Variants in ANKS1B observed in about 807,000 individuals in gnomAD.
ANKS1B encodes ankyrin repeat and sterile alpha motif domain containing 1B, also known as ankyrin repeat and sterile alpha motif domain-containing protein 1B.
Under a neutral mutation model 148.3 loss-of-function variants are expected in ANKS1B, and 36 were observed. That is an observed-to-expected ratio of 0.24 (90% CI 0.19 to 0.32). The LOEUF is 0.32. Ranked by LOEUF, ANKS1B falls within the 10% of genes least tolerant of loss-of-function variation. The pLI is 1.00. For missense variants in ANKS1B, 1,157 were observed against 1,542.6 expected (o/e 0.75, Z 4.19); for synonymous variants, 542 against 560.8 (o/e 0.97, Z 0.47).
chr12:99,589,120 C>A (rs913874136), intron 9 of ANKS1B, among the ~76,000 whole-genome samples: 9 of 152,142 alleles, frequency 5.9e-5, no homozygotes, highest in African/African-American at 2.2e-4. Flanking sequence ...TAGAGAAGAC[C>A]TGAAATGGTC....
intron 25 of ANKS1B, among the ~76,000 whole-genome samples, chr12:98,756,853 G>A (rs980953783): frequency 1.2e-4 from 18 of 150,192 alleles, no homozygotes; most frequent in African/African-American, 1.7e-4. Context: ...TCAGCCTCCC[G>A]AGTGGCTGGG....
chr12:99,527,382 C>T (rs2153079113), intron 9 of ANKS1B, among the ~76,000 whole-genome samples: 1 of 152,038 alleles, frequency 6.6e-6, no homozygotes, highest in Middle Eastern at 3.4e-3. Flanking sequence ...AATCACGTAC[C>T]CTTTAATAAA....
chr12:98,952,640 C>T (rs750514715), intron 17 of ANKS1B, among the ~76,000 whole-genome samples: 10 of 152,246 alleles, frequency 6.6e-5, no homozygotes, highest in South Asian at 2.1e-4. Context: ...ACTTACCTAA[C>T]GTCTTTGCCT....
chr12:99,772,829 T>C (rs962240998), intron 8 of ANKS1B, 93 bp downstream of exon 8: 14 of 1,276,106 alleles, frequency 1.1e-5, no homozygotes, highest in Admixed American at 2.7e-5. Context: ...AGTGGCGGAA[T>C]CTGATAATGC....
At chr12:99,779,634 A>T (rs1299224764) in intron 6 of ANKS1B, among the ~76,000 whole-genome samples, 1 of 152,180 alleles carries the variant, frequency 6.6e-6, no homozygotes, top group African/African-American at 2.4e-5. Context: ...AAATATTTCT[A>T]TTATCAAATG....
chr12:99,519,238 T>C (rs1596266209), intron 9 of ANKS1B, among the ~76,000 whole-genome samples: 1 of 152,234 alleles, frequency 6.6e-6, no homozygotes, highest in African/African-American at 2.4e-5. Context: ...TTAAGTGAAT[T>C]TGATGTATAG....
intron 14 of ANKS1B, among the ~76,000 whole-genome samples, chr12:99,185,890 G>A (rs1267623717): frequency 2.0e-5 from 3 of 152,150 alleles, no homozygotes; most frequent in Non-Finnish European, 1.5e-5. Context: ...CAGCGAGACA[G>A]AACTGTTCAC....
chr12:99,546,833 G>A (rs2097176617), intron 9 of ANKS1B, among the ~76,000 whole-genome samples: 1 of 152,182 alleles, frequency 6.6e-6, no homozygotes, highest in African/African-American at 2.4e-5. Flanking sequence ...AGCTCAGTAA[G>A]GTTGGAGAAG....
chr12:98,799,048 A>T, intron 21 of ANKS1B, 43 bp from the exon 22 acceptor site: 1 of 1,371,512 alleles, frequency 7.3e-7, no homozygotes, highest in South Asian at 1.4e-5. Context: ...AATGGAATAT[A>T]CATATGAGTA....
intron 4 of ANKS1B, among the ~76,000 whole-genome samples, chr12:99,784,294 C>T (rs1345935036): frequency 6.6e-6 from 1 of 152,044 alleles, no homozygotes; most frequent in African/African-American, 2.4e-5. Flanking sequence ...GTCTCAGCCT[C>T]CCGAGAAGCT....
chr12:99,059,157 A>T (rs1299451102), intron 16 of ANKS1B, among the ~76,000 whole-genome samples: 3 of 152,118 alleles, frequency 2.0e-5, no homozygotes, highest in Non-Finnish European at 4.4e-5. Context: ...AGTATTTTCC[A>T]TAGAGTTCTA....
At chr12:99,090,458 T>C (rs1282369100) in intron 15 of ANKS1B, among the ~76,000 whole-genome samples, 4 of 152,164 alleles carry the variant, frequency 2.6e-5, no homozygotes, top group Non-Finnish European at 5.9e-5. Flanking sequence ...ATCAAGATGA[T>C]ACTGTTGATT....
At chr12:98,834,774 G>T (rs1002038704) in intron 17 of ANKS1B, among the ~76,000 whole-genome samples, 7 of 152,106 alleles carry the variant, frequency 4.6e-5, no homozygotes, top group Non-Finnish European at 5.9e-5. Flanking sequence ...AGGCAGCATT[G>T]TTTATACGAT....
intron 12 of ANKS1B, among the ~76,000 whole-genome samples, chr12:99,249,805 C>T (rs1343292492): frequency 6.6e-6 from 1 of 152,204 alleles, no homozygotes; most frequent in African/African-American, 2.4e-5. Context: ...AAGCAGAGAC[C>T]TCTGAAAAGC....
At chr12:99,722,782 A>G (rs140785075) in intron 8 of ANKS1B, among the ~76,000 whole-genome samples, 2 of 152,346 alleles carry the variant, frequency 1.3e-5, no homozygotes, top group African/African-American at 4.8e-5. Context: ...TCCCATCAAA[A>G]AGAACCATAA....
intron 17 of ANKS1B, among the ~76,000 whole-genome samples, chr12:98,890,101 A>G (rs545622296): frequency 2.6e-5 from 4 of 152,232 alleles, no homozygotes; most frequent in Non-Finnish European, 4.4e-5. Flanking sequence ...ATCTTCCAAG[A>G]CAGCTTGGTT....
At position 99,682,496 on chromosome 12, in the gene ANKS1B, C is replaced by T. The variant is rs575834276; in HGVS notation, c.1129-27286G>A. On this transcript the variant is annotated intron_variant, in intron 8 of 26. Coordinates refer to ENST00000683438, the MANE Select transcript of ANKS1B (RefSeq NM_001352186.2). ...ATACATGGAAATGAAATAATCTACT[C>T]CTGAATAATCATTGGGTCAACAATG... 1.2e-4 allele frequency among the ~76,000 whole-genome samples: 19 copies of T among 152,258 alleles called. No individual in the cohort carries two copies. In the South Asian group the frequency reaches 3.7e-3, roughly 30 times the overall value.
At chr12:98,821,463 G>T (rs1157085791) in intron 19 of ANKS1B, among the ~76,000 whole-genome samples, 1 of 152,118 alleles carries the variant, frequency 6.6e-6, no homozygotes, top group African/African-American at 2.4e-5. Flanking sequence ...CCTGGTGTGG[G>T]ACCTCTGTCT....
At chr12:99,177,100 C>T (rs1469258025) in intron 14 of ANKS1B, among the ~76,000 whole-genome samples, 2 of 152,144 alleles carry the variant, frequency 1.3e-5, no homozygotes, top group African/African-American at 4.8e-5. Context: ...CAGCCATAGA[C>T]AACAGGTTGT....
Sources: allele counts gnomAD v4.1 joint callset (sites outside exome capture counted in the v4.1 genomes callset), GRCh38; gene constraint gnomAD v4.1.1; transcripts MANE v1.5; gene names NCBI Gene and HGNC (gene_info 2026-07-23, HGNC 2026-07-21).